Variants in ABCA7 observed in about 807,000 individuals in gnomAD.
ABCA7 encodes phospholipid-transporting ATPase ABCA7.
Under a neutral mutation model 227.6 loss-of-function variants are expected in ABCA7, and 261 were observed. The observed-to-expected ratio is 1.15, with a 90% CI of 1.04 to 1.27. The LOEUF (loss-of-function observed/expected upper bound fraction) is 1.27. Among genes scored for constraint, ABCA7 ranks in the 50% most tolerant of loss-of-function variants. The pLI is 0.00. For synonymous variants in ABCA7, 1,488 were observed against 1,279.7 expected, an observed-to-expected ratio of 1.16 and a Z score of -3.47; for missense variants, 3,331 against 2,924.5, an observed-to-expected ratio of 1.14 and a Z score of -3.21.
At chr19:1,048,340 A>T (rs1014676181) in intron 16 of ABCA7, among the ~76,000 whole-genome samples, 2 of 151,404 alleles carry the variant, frequency 1.3e-5, no homozygotes, top group African/African-American at 4.9e-5. Context: ...TCTACTAAAA[A>T]TACAAAATTA....
chr19:1,056,305 C>T lies in ABCA7; in HGVS notation c.4417-25C>T. ...GCAAGGTCCAACCCCATTGCTCTGA[C>T]CCTATGACCTTGACCCCCACCCAGA... On this transcript the variant is annotated intron_variant, in intron 32 of 46. Coordinates refer to ENST00000263094, the MANE Select transcript of ABCA7 (RefSeq NM_019112.4). This position sits in a 1 kb window ranked among gnomAD's most constrained non-coding sequence, Gnocchi z 4.3. The T allele has an allele frequency of 6.2e-7, 1 of 1,610,066 alleles. No homozygotes were observed.
intron 14 of ABCA7, 52 bp from the exon 15 acceptor site, chr19:1,047,105 G>A (rs1009292552): frequency 4.5e-6 from 7 of 1,562,046 alleles, no homozygotes; most frequent in African/African-American, 1.4e-5. Context: ...GTGGGTGCGC[G>A]CCCCCAGGCC....
intron 36 of ABCA7, 34 bp downstream of exon 36, chr19:1,058,093 T>A (rs942956207): frequency 1.2e-6 from 2 of 1,613,848 alleles, no homozygotes; most frequent in Non-Finnish European, 1.7e-6. Flanking sequence ...TTGGGCTGGG[T>A]TGGGTCGTTG....
chr19:1,043,654 G>A, intron 9 of ABCA7, 71 bp from the exon 10 acceptor site: 1 of 1,555,792 alleles, frequency 6.4e-7, no homozygotes, highest in East Asian at 2.2e-5. Context: ...GAGCAAGGCA[G>A]AGGGGGCAGG....
chr19:1,053,504 C>T lies in ABCA7; in HGVS notation c.3396C>T (p.Tyr1132=), dbSNP rs774792018. 18 of 1,574,296 alleles carry T rather than the reference C, an allele frequency of 1.1e-5. No individual in the cohort carries two copies. The East Asian group carries it at 1.4e-4, about 12-fold the overall frequency. ...TRLAELRLTG[Y]GISDTSLEEI... is the part of the protein sequence containing the mutation. ...TGGCGGAGCTGAGGCTCACTGGCTA[C>T]GGGATCTCCGACACCAGCCTCGAGG... The change falls in exon 24 of 47, where the codon TAC becomes TAT. Residue 1132 remains tyrosine, a synonymous_variant. Coordinates refer to ENST00000263094, the MANE Select transcript of ABCA7 (RefSeq NM_019112.4).
In ABCA7 at chr19:1,042,174, C is replaced by A. The variant is rs1044020461; in HGVS notation, c.413C>A (p.Thr138Lys). ...LIATLRAARSTAQPQPTKQSP... is the reference protein window; with the variant it reads ...LIATLRAARSKAQPQPTKQSP... ...GCCACGCTGAGGGCTGCACGCAGCA[C>A]GGGTGAGGAGGCCGGGGGGCCTCTG... The change falls in exon 5 of 47, where the codon ACG becomes AAG. Residue 138 changes from threonine to lysine, a missense_variant and splice_region_variant. Physicochemically the swap from Thr to Lys is moderately conservative, Grantham distance 78 (BLOSUM62 -1). Transcript: ENST00000263094. 1.2e-6 allele frequency: 2 copies of A among 1,600,674 alleles called. No homozygotes were observed. Among genetic ancestry groups the A allele is most frequent in the Non-Finnish European group, 1.7e-6 (2 of 1,179,112 alleles).
rs1349099281 is a variant in ABCA7, at chr19:1,053,309, G to A, written c.3221-20G>A. Reference sequence around the variant, plus strand: ...GGGGCGTGAGCCGGGGCTCCCTGAAGCACCCCTTTGTCCACACAGGCACTC... The same window carrying A: ...GGGGCGTGAGCCGGGGCTCCCTGAAACACCCCTTTGTCCACACAGGCACTC... On this transcript the variant is annotated intron_variant, in intron 23 of 46. Transcript: ENST00000263094. 6 of 1,601,378 alleles carry A rather than the reference G, an allele frequency of 3.7e-6. No homozygotes were observed. Among genetic ancestry groups the A allele is most frequent in the South Asian group, 2.2e-5 (2 of 90,164 alleles).
chr19:1,043,936 AC>A, intron 10 of ABCA7, 95 bp downstream of exon 10: 8 of 841,376 alleles, frequency 9.5e-6, no homozygotes, highest in Non-Finnish European at 1.4e-5. Flanking sequence ...GCAGACCCCC[AC>A]TTTTTTTTTT....
At position 1,056,122 on chromosome 19, in the gene ABCA7, T is replaced by C. The variant is rs769574728; in HGVS notation, c.4295T>C (p.Leu1432Ser). 4 of 1,609,426 alleles carry C rather than the reference T, an allele frequency of 2.5e-6. No individual in the cohort carries two copies. In the South Asian group the frequency reaches 3.3e-5, roughly 13 times the overall value. The change falls in exon 32 of 47, where the codon TTG becomes TCG. Residue 1432 changes from leucine (L) to serine (S), a missense_variant. By Grantham distance (145) the Leu-to-Ser change is moderately radical. Coordinates refer to ENST00000263094, the MANE Select transcript of ABCA7 (RefSeq NM_019112.4). This position sits in a 1 kb window ranked among gnomAD's most constrained non-coding sequence, Gnocchi z 4.3. ...CCAGGCCTGCCCTCGGGCCAAGAGT[T>C]GGGCCGCTCAGTGGAGGAGTTGTGG... ...RDPGLPSGQE[L>S]GRSVEELWAL...
rs767815398 is a variant in ABCA7, at chr19:1,055,080, C to T, written c.3951-17C>T. ...ACCCTGCAGCGCCCTTGAGTGTGCACAGCCCATTGTCTGCAGGTTCTCGGC... is the reference window on the plus strand; with the variant it reads ...ACCCTGCAGCGCCCTTGAGTGTGCATAGCCCATTGTCTGCAGGTTCTCGGC... On this transcript the variant is annotated splice_polypyrimidine_tract_variant and intron_variant, in intron 29 of 46. Coordinates refer to ENST00000263094, the MANE Select transcript of ABCA7 (RefSeq NM_019112.4). 2 of 1,605,612 alleles carry T rather than the reference C, an allele frequency of 1.2e-6. No homozygotes were observed. Among genetic ancestry groups the T allele is most frequent in the South Asian group, 2.2e-5 (2 of 90,650 alleles).
chr19:1,055,176 G>T lies in ABCA7; in HGVS notation c.4030G>T (p.Ala1344Ser), dbSNP rs1472704630. 29 of 1,612,166 alleles carry T rather than the reference G, an allele frequency of 1.8e-5. No individual in the cohort carries two copies. Among genetic ancestry groups the T allele is most frequent in the Non-Finnish European group, 2.4e-5 (28 of 1,179,746 alleles). Residue 1344 changes from alanine to serine, a missense_variant, in exon 30 of 47, where the codon GCC (alanine) becomes TCC (serine). By Grantham distance (99) the Ala-to-Ser change is moderately conservative. Transcript: ENST00000263094. ...CTGGACCCCAGAGTCTCCATCCCCA[G>T]CCTGCCAGTGTAGCCGGCCCGGTGC... The part of the protein sequence containing the change: ...GNWTPESPSP[A>S]CQCSRPGARR...
intron 10 of ABCA7, 152 bp downstream of exon 10, chr19:1,043,993 A>G (rs1023459076): frequency 1.0e-5 from 7 of 686,152 alleles, no homozygotes; most frequent in Non-Finnish European, 1.7e-5. Flanking sequence ...GCTGGAATGC[A>G]GTGGCGTGAT....
chr19:1,046,974 T>G lies in ABCA7; in HGVS notation c.1795T>G (p.Cys599Gly). The change falls in exon 14 of 47, where the codon TGC (cysteine) becomes GGC (glycine). Residue 599 changes from cysteine to glycine, a missense_variant. By Grantham distance (159) the Cys-to-Gly change is radical. Coordinates refer to ENST00000263094, the MANE Select transcript of ABCA7 (RefSeq NM_019112.4). ...GCTCTGGCTAGGCTGGTTCCTCAGC[T>G]GCCTCGGGCCCTTCCTGCTCAGCGC... Reference protein sequence around the residue: ...AVLWLGWFLSCLGPFLLSAAL... With the variant: ...AVLWLGWFLSGLGPFLLSAAL... 6.3e-7 allele frequency: 1 copy of G among 1,584,092 alleles called. No individual in the cohort carries two copies. Among genetic ancestry groups the G allele is most frequent in the Non-Finnish European group, 8.6e-7 (1 of 1,168,814 alleles).
At chr19:1,051,613 G>C in intron 21 of ABCA7, 27 bp downstream of exon 21, 1 of 1,592,204 alleles carries the variant, frequency 6.3e-7, no homozygotes, top group Non-Finnish European at 8.6e-7. Context: ...CTGCTCGAGG[G>C]GCCAGAAAAG....
At chr19:1,045,872 T>C (rs1215539822) in intron 12 of ABCA7, among the ~76,000 whole-genome samples, 1 of 151,034 alleles carries the variant, frequency 6.6e-6, no homozygotes, top group South Asian at 2.1e-4. Flanking sequence ...CCGGGCGTGG[T>C]AGCACGCGCC....
chr19:1,063,704 G>C, intron 43 of ABCA7, 26 bp downstream of exon 43: 1 of 1,565,962 alleles, frequency 6.4e-7, no homozygotes, highest in Non-Finnish European at 8.6e-7. Flanking sequence ...GCCTGGGTGG[G>C]GTGGGGCCTG....
chr19:1,054,117 C>A lies in ABCA7; in HGVS notation c.3577+7C>A. The A allele has an allele frequency of 2.5e-6, 4 of 1,613,086 alleles. No individual in the cohort carries two copies. Among genetic ancestry groups the A allele is most frequent in the Non-Finnish European group, 3.4e-6 (4 of 1,179,910 alleles). On this transcript the variant is annotated splice_region_variant and intron_variant, in intron 26 of 46. Coordinates refer to ENST00000263094, the MANE Select transcript of ABCA7 (RefSeq NM_019112.4). The surrounding 1 kb of genome is among the most constrained non-coding windows in gnomAD (Gnocchi z 4.8). ...CTGGAGAACGGGGAACCAGGTAAGT[C>A]CTTCCCAGTGGCCCTGGGGTCCTCC... is the stretch of plus-strand genomic sequence containing the variant.
At chr19:1,043,012 G>C in intron 7 of ABCA7, 29 bp from the exon 8 acceptor site, 1 of 1,573,844 alleles carries the variant, frequency 6.4e-7, no homozygotes, top group Non-Finnish European at 8.7e-7. Flanking sequence ...TGGGATCATT[G>C]CCAGCTCCGT....
At position 1,042,137 on chromosome 19, in the gene ABCA7, G is replaced by A. The variant is rs1261610756; in HGVS notation, c.376G>A (p.Gly126Arg). The A allele has an allele frequency of 1.9e-6, 3 of 1,599,754 alleles. No individual in the cohort carries two copies. The highest frequency in any genetic ancestry group is 2.2e-5 in the East Asian group (1 of 44,794). ...TGCCCACAGGACGCTGGCTGGCCTA[G>A]GGAAGCTGATCGCCACGCTGAGGGC... ...ASAHRTLAGL[G>R]KLIATLRAAR... The change falls in exon 5 of 47, where the codon GGG (glycine) becomes AGG (arginine). Residue 126 changes from glycine to arginine, a missense_variant. Gly to Arg is a moderately radical substitution (Grantham distance 125, BLOSUM62 -2). Coordinates refer to ENST00000263094, the MANE Select transcript of ABCA7 (RefSeq NM_019112.4).
Sources: allele counts gnomAD v4.1 joint callset (sites outside exome capture counted in the v4.1 genomes callset), GRCh38; gene constraint gnomAD v4.1.1; non-coding constraint Gnocchi (gnomAD v3.1); transcripts MANE v1.5; gene names NCBI Gene and HGNC (gene_info 2026-07-23, HGNC 2026-07-21).